Variants in ABLIM1 observed in about 807,000 individuals in gnomAD.
ABLIM1 encodes the protein actin binding LIM protein 1.
Under a neutral mutation model 107.0 loss-of-function variants are expected in ABLIM1, and 40 were observed. The observed-to-expected ratio is 0.37, with a 90% CI of 0.29 to 0.49. The LOEUF (loss-of-function observed/expected upper bound fraction) is 0.49. Among genes scored for constraint, ABLIM1 ranks in the 20% least tolerant of loss-of-function variants. The pLI is 0.97. For synonymous variants in ABLIM1, 357 were observed against 357.3 expected (o/e 1.00, Z 0.01); for missense variants, 857 against 1,008.5 (o/e 0.85, Z 2.04).
chr10:114,563,778 G>A (rs1244152263), intron 4 of ABLIM1, among the ~76,000 whole-genome samples: 1 of 148,552 alleles, frequency 6.7e-6, no homozygotes, highest in Non-Finnish European at 1.5e-5. Context: ...CCTGGCAGGC[G>A]GAAGTCGCAG....
At position 114,547,067 on chromosome 10, in the gene ABLIM1, A is replaced by G. The variant is rs1591092845; in HGVS notation, c.800+583T>C. Among the ~76,000 whole-genome samples the G allele has an allele frequency of 3.3e-5, 5 of 152,250 alleles. No homozygotes were observed. In the South Asian group the frequency reaches 8.3e-4, roughly 25 times the overall value. Reference sequence around the variant, plus strand: ...TTGGCCTCCCAAGTGTTGAGATTACAGGTGTGAGCCACCACGCCCAGCAGG... The same window carrying G: ...TTGGCCTCCCAAGTGTTGAGATTACGGGTGTGAGCCACCACGCCCAGCAGG... On this transcript the variant is annotated intron_variant, in intron 5 of 22. Transcript: ENST00000533213.
upstream of ABLIM1, among the ~76,000 whole-genome samples, chr10:114,770,139 T>A (rs2083005419): frequency 6.6e-6 from 1 of 152,216 alleles, no homozygotes; most frequent in Non-Finnish European, 1.5e-5. Flanking sequence ...CTAGTTCATG[T>A]TCTACTATGA....
intron 1 of ABLIM1, among the ~76,000 whole-genome samples, chr10:114,665,413 C>G (rs1159295406): frequency 6.6e-6 from 1 of 152,112 alleles, no homozygotes; most frequent in African/African-American, 2.4e-5. Flanking sequence ...TAGAGGAGGG[C>G]AGAAAAGAAC....
intron 3 of ABLIM1, among the ~76,000 whole-genome samples, chr10:114,573,373 G>A (rs2071984647): frequency 6.6e-6 from 1 of 152,178 alleles, no homozygotes; most frequent in East Asian, 1.9e-4. Flanking sequence ...TAAAAAGGAG[G>A]CCCCAATTCA....
At position 114,458,641 on chromosome 10, in the gene ABLIM1, G is replaced by A. The variant is rs1034807533; in HGVS notation, c.1442-5158C>T. On this transcript the variant is annotated intron_variant, in intron 12 of 22. Transcript: ENST00000533213. ...TGTCTAAAGCGTCAATAAGAGTTACGGTTTCCTTCAGCAAGTGTCAAATAT... is the reference window on the plus strand; with the variant it reads ...TGTCTAAAGCGTCAATAAGAGTTACAGTTTCCTTCAGCAAGTGTCAAATAT... Among the ~76,000 whole-genome samples, 4 of 152,048 alleles carry A rather than the reference G, an allele frequency of 2.6e-5. No homozygotes were observed. In the East Asian group the frequency reaches 5.8e-4, roughly 22 times the overall value.
At chr10:114,694,974 C>T (rs2081165389) in intron 1 of ABLIM1, among the ~76,000 whole-genome samples, 1 of 152,186 alleles carries the variant, frequency 6.6e-6, no homozygotes, top group African/African-American at 2.4e-5. Flanking sequence ...CCGGACTCTC[C>T]AGGTACTGAA....
rs566888648 is a variant in ABLIM1 at position 114,595,407 on chromosome 10, C to A, written c.379+6420G>T. On this transcript the variant is annotated intron_variant, in intron 2 of 22. Transcript: ENST00000533213. ...GAGATGAATGCTTCCCTTTTGTTTT[C>A]AGGTTTCTTATTCTCTAATACAGCG... Among the ~76,000 whole-genome samples the A allele has an allele frequency of 1.6e-3, 241 of 152,270 alleles. No individual in the cohort carries two copies. In the Middle Eastern group the frequency reaches 0.02, roughly 13 times the overall value.
intron 1 of ABLIM1, among the ~76,000 whole-genome samples, chr10:114,732,314 T>A (rs1357143409): frequency 6.6e-6 from 1 of 151,764 alleles, no homozygotes; most frequent in Non-Finnish European, 1.5e-5. Context: ...ATTTTTCTAA[T>A]GGCTAATGAT....
At chr10:114,513,459 C>T (rs78851746) in intron 6 of ABLIM1, among the ~76,000 whole-genome samples, 2,857 of 152,152 alleles carry the variant, frequency 0.019, 43 homozygotes, top group Middle Eastern at 0.037. Context: ...AAAAGAAACC[C>T]CACTGGCAAG....
intron 1 of ABLIM1, among the ~76,000 whole-genome samples, chr10:114,704,271 G>GCTCTCTCGCT (rs2081363028): frequency 9.8e-5 from 4 of 40,974 alleles, no homozygotes; most frequent in African/African-American, 2.9e-4. Flanking sequence ...TCTCTCTCTC[G>GCTCTCTCGCT]CTCTCTCTCT....
chr10:114,539,089 G>A (rs796657089), intron 6 of ABLIM1, among the ~76,000 whole-genome samples: 5 of 152,352 alleles, frequency 3.3e-5, no homozygotes, highest in African/African-American at 1.2e-4. Context: ...TGGGCGCAGT[G>A]GCTCACGCCT....
intron 1 of ABLIM1, among the ~76,000 whole-genome samples, chr10:114,621,672 C>T (rs897827068): frequency 1.3e-5 from 2 of 152,202 alleles, no homozygotes; most frequent in Admixed American, 1.3e-4. Context: ...CACCCCCATT[C>T]TATCACCTGG....
intron 1 of ABLIM1, among the ~76,000 whole-genome samples, chr10:114,614,125 C>T (rs915738411): frequency 1.3e-5 from 2 of 151,924 alleles, no homozygotes; most frequent in Non-Finnish European, 2.9e-5. Flanking sequence ...TTTTTAAATC[C>T]CTCCATGGAA....
chr10:114,527,461 G>A (rs766838507), intron 6 of ABLIM1, among the ~76,000 whole-genome samples: 5 of 152,086 alleles, frequency 3.3e-5, no homozygotes, highest in Non-Finnish European at 7.4e-5. Flanking sequence ...TATGTTGCAG[G>A]CATTTTATAC....
intron 1 of ABLIM1, among the ~76,000 whole-genome samples, chr10:114,626,477 C>T (rs577700020): frequency 6.6e-6 from 1 of 152,306 alleles, no homozygotes; most frequent in African/African-American, 2.4e-5. Context: ...GGACTACTCA[C>T]TTCTGATCAC....
intron 16 of ABLIM1, 71 bp downstream of exon 16, chr10:114,445,241 T>C (rs957224613): frequency 2.3e-5 from 31 of 1,364,350 alleles, no homozygotes; most frequent in Middle Eastern, 1.8e-4. Context: ...TTATACATAG[T>C]AGTCATTCAA....
At chr10:114,569,873 G>A (rs1244901231) in intron 4 of ABLIM1, among the ~76,000 whole-genome samples, 1 of 152,162 alleles carries the variant, frequency 6.6e-6, no homozygotes, top group Non-Finnish European at 1.5e-5. Context: ...ACACGCCAAG[G>A]ATCCAGTCAT....
At chr10:114,550,548 C>T (rs73359062) in intron 4 of ABLIM1, among the ~76,000 whole-genome samples, 14,391 of 152,072 alleles carry the variant, frequency 0.095, 1,315 homozygotes, top group African/African-American at 0.24. Context: ...TGAACTGACA[C>T]TGACACATCA....
chr10:114,625,329 G>C (rs1457219718), intron 1 of ABLIM1, among the ~76,000 whole-genome samples: 2 of 152,168 alleles, frequency 1.3e-5, no homozygotes, highest in Non-Finnish European at 2.9e-5. Context: ...GAATAGAAGT[G>C]GGTATTGACT....
Sources: allele counts gnomAD v4.1 joint callset (sites outside exome capture counted in the v4.1 genomes callset), GRCh38; gene constraint gnomAD v4.1.1; transcripts MANE v1.5; gene names NCBI Gene and HGNC (gene_info 2026-07-23, HGNC 2026-07-21).